Variants in NANOGNB observed in about 807,000 individuals in gnomAD.
NANOGNB encodes homeobox C14.
A neutral mutation model predicts 25.0 loss-of-function variants in NANOGNB; 30 were observed. The observed-to-expected ratio is 1.20, with a 90% CI of 0.90 to 1.63. NANOGNB has a LOEUF of 1.63. Among genes scored for constraint, NANOGNB ranks in the 40% most tolerant of loss-of-function variants. The pLI, the probability that NANOGNB is intolerant of heterozygous loss-of-function variation, is 0.00. For synonymous variants in NANOGNB, 84 were observed against 62.1 expected, an observed-to-expected ratio of 1.35 and a Z score of -1.66; for missense variants, 200 against 188.1, an observed-to-expected ratio of 1.06 and a Z score of -0.37.
chr12:7,770,067 T>G lies in NANOGNB; in HGVS notation c.187T>G (p.Trp63Gly), dbSNP rs1008856218. The G allele has an allele frequency of 6.5e-7, 1 of 1,540,702 alleles. No individual in the cohort carries two copies. Among genetic ancestry groups the G allele is most frequent in the Non-Finnish European group, 8.7e-7 (1 of 1,143,820 alleles). ...AGATGAACAAAATGGAAAGCAGAAA[T>G]GGAGAGAAGAAGGAGAAGCAGGCAG... ...SEDEQNGKQK[W>G]REEGEAGRKR... Residue 63 changes from tryptophan (W) to glycine (G), a missense_variant, in exon 2 of 4, where the codon TGG (tryptophan) becomes GGG (glycine). Trp to Gly is a radical substitution (Grantham distance 184). Transcript: ENST00000382119.
chr12:7,773,848 G>A lies in NANOGNB; in HGVS notation c.564G>A (p.Lys188=). 1 of 611,946 alleles carries A rather than the reference G, an allele frequency of 1.6e-6. No individual in the cohort carries two copies. The highest frequency in any genetic ancestry group is 1.7e-5 in the South Asian group (1 of 57,282). 37.9% of individuals were successfully genotyped at this position (611,946 alleles called of 1,614,324 possible). A position where few individuals can be genotyped will look rare whatever the true frequency, so the allele number is the denominator to read the frequency against. ...GCTGGTCTCGAACTCCTGCCCTCAAGTGATCTTCCTATTTTGGCCTCCAGA... is the reference window on the plus strand; with the variant it reads ...GCTGGTCTCGAACTCCTGCCCTCAAATGATCTTCCTATTTTGGCCTCCAGA... The part of the protein sequence containing the change: ...CQGWSRTPAL[K] Residue 188 remains lysine, a synonymous_variant, in exon 4 of 4, where the codon AAG becomes AAA. Transcript: ENST00000382119.
intron 3 of NANOGNB, among the ~76,000 whole-genome samples, chr12:7,771,087 G>C (rs902044424): frequency 2.6e-5 from 4 of 152,134 alleles, no homozygotes; most frequent in Non-Finnish European, 4.4e-5. Context: ...TTGCAGTACA[G>C]AATTGATAAT....
chr12:7,772,270 C>A, intron 3 of NANOGNB, among the ~76,000 whole-genome samples: 1 of 152,024 alleles, frequency 6.6e-6, no homozygotes, highest in Non-Finnish European at 1.5e-5. Context: ...AATAAGCCAG[C>A]ACAGGTTACA....
At chr12:7,766,591 GTTTCTT>G (rs1302577623) in intron 1 of NANOGNB, among the ~76,000 whole-genome samples, 5 of 152,208 alleles carry the variant, frequency 3.3e-5, no homozygotes, top group Non-Finnish European at 7.4e-5. Flanking sequence ...TTTTGTTTTT[GTTTCTT>G]GAGTCACAGT....
chr12:7,768,399 G>A (rs1329525535), intron 1 of NANOGNB, among the ~76,000 whole-genome samples: 1 of 152,010 alleles, frequency 6.6e-6, no homozygotes, highest in African/African-American at 2.4e-5. Context: ...AGTTTTTTAG[G>A]GGTGATATCT....
chr12:7,770,207 C>T lies in NANOGNB; in HGVS notation c.327C>T (p.Val109=). The T allele has an allele frequency of 1.3e-6, 2 of 1,552,000 alleles. No homozygotes were observed. The highest frequency in any genetic ancestry group is 1.7e-6 in the Non-Finnish European group (2 of 1,147,056). ...AACAGTATCCCGAGAAAAGATTAGT[C>T]AGCAAATCCCTCATGCATACTCTCT... The part of the protein sequence containing the change: ...KQKQYPEKRL[V]SKSLMHTLWA... The change falls in exon 2 of 4, where the codon GTC becomes GTT. Residue 109 remains valine, a synonymous_variant. Transcript: ENST00000382119.
At chr12:7,772,125 G>T (rs1280393532) in intron 3 of NANOGNB, among the ~76,000 whole-genome samples, 2 of 152,182 alleles carry the variant, frequency 1.3e-5, no homozygotes, top group Non-Finnish European at 2.9e-5. Context: ...AAACAATGCA[G>T]TCAAGCCATG....
chr12:7,766,091 A>T, intron 1 of NANOGNB: 2 of 398,638 alleles, frequency 5.0e-6, no homozygotes, highest in Non-Finnish European at 8.8e-6. Context: ...CCAGGAAAGG[A>T]TGGTGTTCAG....
chr12:7,769,866 T>C, intron 1 of NANOGNB, 117 bp from the exon 2 acceptor site: 1 of 832,564 alleles, frequency 1.2e-6, no homozygotes, highest in Non-Finnish European at 1.8e-6. Context: ...TCCACCAATG[T>C]ACAACATTGC....
intron 1 of NANOGNB, among the ~76,000 whole-genome samples, 182 bp downstream of exon 1, chr12:7,765,569 C>CAAAA (rs1187331161): frequency 4.3e-4 from 21 of 48,576 alleles, no homozygotes; most frequent in South Asian, 7.7e-4. Context: ...GACTCCGTCT[C>CAAAA]AAAAAAAAAA....
At chr12:7,765,569 CAAAA>C (rs1187331161) in intron 1 of NANOGNB, among the ~76,000 whole-genome samples, 182 bp downstream of exon 1, 16 of 48,672 alleles carry the variant, frequency 3.3e-4, no homozygotes, top group Admixed American at 2.6e-3. Flanking sequence ...GACTCCGTCT[CAAAA>C]AAAAAAAAAA....
intron 1 of NANOGNB, among the ~76,000 whole-genome samples, chr12:7,767,108 T>G (rs1865252881): frequency 6.6e-6 from 1 of 152,188 alleles, no homozygotes; most frequent in South Asian, 2.1e-4. Context: ...CCCAAAATGC[T>G]GGGATTACAG....
At chr12:7,772,415 C>A (rs909938581) in intron 3 of NANOGNB, among the ~76,000 whole-genome samples, 1 of 151,594 alleles carries the variant, frequency 6.6e-6, no homozygotes, top group African/African-American at 2.4e-5. Context: ...GTAGCTGGGA[C>A]TACAGGTGCC....
chr12:7,766,315 A>G lies in NANOGNB; in HGVS notation c.102+928A>G, dbSNP rs1057298446. 3.1e-5 allele frequency: 12 copies of G among 389,340 alleles called. No homozygotes were observed. In the East Asian group the frequency reaches 4.4e-4, roughly 14 times the overall value. 24.1% of individuals were successfully genotyped at this position (389,340 alleles called of 1,614,324 possible). On this transcript the variant is annotated intron_variant, in intron 1 of 3. Coordinates refer to ENST00000382119, the MANE Select transcript of NANOGNB (RefSeq NM_001145465.1). ...ATGAAACCCCCCATCTCCACCAAAA[A>G]TACAACAATTAGCCGGGCTTGGTGA...
chr12:7,766,323 A>G (rs1466872668), intron 1 of NANOGNB, among the ~76,000 whole-genome samples: 3 of 151,962 alleles, frequency 2.0e-5, no homozygotes, highest in Non-Finnish European at 4.4e-5. Context: ...AAATACAACA[A>G]TTAGCCGGGC....
chr12:7,772,075 A>C (rs1389171075), intron 3 of NANOGNB, among the ~76,000 whole-genome samples: 1 of 152,140 alleles, frequency 6.6e-6, no homozygotes, highest in African/African-American at 2.4e-5. Context: ...TAGAACTCCA[A>C]ATGTCTCCAC....
At chr12:7,773,423 T>G (rs1479900893) in intron 3 of NANOGNB, among the ~76,000 whole-genome samples, 1 of 151,478 alleles carries the variant, frequency 6.6e-6, no homozygotes, top group Admixed American at 6.6e-5. Context: ...AGACAGCGGC[T>G]GGGTGCGTGG....
chr12:7,770,032 A>G lies in NANOGNB; in HGVS notation c.152A>G (p.Asn51Ser). The change falls in exon 2 of 4, where the codon AAT becomes AGT. Residue 51 changes from asparagine to serine, a missense_variant. Coordinates refer to ENST00000382119, the MANE Select transcript of NANOGNB (RefSeq NM_001145465.1). ...CAAGATCCAGAACAATCAACTGGAA[A>G]TTACAGTGAAGATGAACAAAATGGA... ...WDQDPEQSTG[N>S]YSEDEQNGKQ... 6.5e-7 allele frequency: 1 copy of G among 1,533,458 alleles called. No individual in the cohort carries two copies. Among genetic ancestry groups the G allele is most frequent in the Non-Finnish European group, 8.7e-7 (1 of 1,143,064 alleles). 95.0% of individuals were successfully genotyped at this position (1,533,458 alleles called of 1,614,324 possible).
chr12:7,771,607 C>T lies in NANOGNB; in HGVS notation c.515+1089C>T, dbSNP rs759057866. 4.9e-4 allele frequency among the ~76,000 whole-genome samples: 75 copies of T among 151,986 alleles called. No homozygotes were observed. In the East Asian group the frequency reaches 6.0e-3, roughly 12 times the overall value. ...TTATTTAGAAATGTTTAAATATTAT[C>T]TCACTTGATCATTGTTTTTTGTTTG... On this transcript the variant is annotated intron_variant, in intron 3 of 3. Coordinates refer to ENST00000382119, the MANE Select transcript of NANOGNB (RefSeq NM_001145465.1).
Sources: allele counts gnomAD v4.1 joint callset (sites outside exome capture counted in the v4.1 genomes callset), GRCh38; gene constraint gnomAD v4.1.1; transcripts MANE v1.5; gene names NCBI Gene and HGNC (gene_info 2026-07-23, HGNC 2026-07-21).